AFF1: variants seen among roughly 807,000 people sequenced by gnomAD.
AFF1 encodes the protein ALF transcription elongation factor 1.
A neutral mutation model predicts 121.7 loss-of-function variants in AFF1; 48 were observed. That is an observed-to-expected ratio of 0.39 (90% CI 0.31 to 0.50). The LOEUF is 0.50. AFF1 is among the 20% of genes least tolerant of loss of function. The pLI is 0.76. For missense variants in AFF1, 1,523 were observed against 1,511.7 expected (o/e 1.01, Z -0.12); for synonymous variants, 613 against 563.0 (o/e 1.09, Z -1.26).
At chr4:87,126,635 C>T (rs1023906067) in intron 14 of AFF1, among the ~76,000 whole-genome samples, 1 of 152,038 alleles carries the variant, frequency 6.6e-6, no homozygotes, top group Non-Finnish European at 1.5e-5. Flanking sequence ...CCTGTGTAGT[C>T]CTGCTTTGAA....
At chr4:87,054,931 A>G (rs1719950140) in intron 4 of AFF1, among the ~76,000 whole-genome samples, 1 of 152,268 alleles carries the variant, frequency 6.6e-6, no homozygotes, top group South Asian at 2.1e-4. Context: ...CAGTATTTAC[A>G]AACTGGAGAA....
chr4:87,140,204 A>C lies in AFF1; in HGVS notation c.*4503A>C, dbSNP rs974541745. 1.0e-4 allele frequency: 20 copies of C among 197,622 alleles called. No individual in the cohort carries two copies. The highest frequency in any genetic ancestry group is 4.6e-4 in the African/African-American group (20 of 43,314). The allele number at this position is 197,622 out of a possible 1,614,324, so 12.2% of individuals were successfully genotyped here. A position where few individuals can be genotyped will look rare whatever the true frequency, so the allele number is the denominator to read the frequency against. ...GGCAGTGGCTGACCTAAGGAAGACA[A>C]CTTGCTTTGCTTAAAAGTAGATTTT... is the stretch of plus-strand genomic sequence containing the variant. On this transcript the variant is annotated 3_prime_UTR_variant, in exon 21 of 21. Transcript: ENST00000395146.
At chr4:86,996,886 G>T (rs1194550788) in intron 2 of AFF1, among the ~76,000 whole-genome samples, 1 of 152,188 alleles carries the variant, frequency 6.6e-6, no homozygotes, top group Non-Finnish European at 1.5e-5. Flanking sequence ...GTTACCATGG[G>T]AGGAGAACTG....
chr4:87,049,808 C>T (rs1425388002), intron 4 of AFF1: 1 of 452,888 alleles, frequency 2.2e-6, no homozygotes, highest in Non-Finnish European at 4.4e-6. Context: ...ATGGAGGGCT[C>T]TCGGTGACCC....
At chr4:87,132,167 A>C in intron 18 of AFF1, 104 bp from the exon 19 acceptor site, 1 of 1,356,126 alleles carries the variant, frequency 7.4e-7, no homozygotes, top group East Asian at 2.4e-5. Flanking sequence ...TAACTCACAC[A>C]GGTGAGGCAA....
intron 2 of AFF1, among the ~76,000 whole-genome samples, chr4:86,981,643 T>TA: frequency 6.6e-6 from 1 of 152,198 alleles, no homozygotes; most frequent in East Asian, 1.9e-4. Context: ...GTGCTGGGAT[T>TA]ACAGGTATGA....
chr4:87,024,285 G>A (rs1312624613), intron 2 of AFF1, among the ~76,000 whole-genome samples: 1 of 152,190 alleles, frequency 6.6e-6, no homozygotes. Context: ...TGGAATATGG[G>A]TGGGGTGTCT....
chr4:87,055,226 T>TTA (rs1719990869), intron 4 of AFF1, among the ~76,000 whole-genome samples: 1 of 152,192 alleles, frequency 6.6e-6, no homozygotes, highest in Non-Finnish European at 1.5e-5. Flanking sequence ...CACTTTAAAC[T>TTA]CTGAAGGAAA....
At chr4:86,949,808 G>T in intron 2 of AFF1, 2 of 1,613,950 alleles carry the variant, frequency 1.2e-6, no homozygotes, top group South Asian at 1.1e-5. Context: ...GAGACACTGC[G>T]TCATGATGGC....
chr4:87,062,599 A>G (rs1578171998), intron 4 of AFF1, among the ~76,000 whole-genome samples: 1 of 152,314 alleles, frequency 6.6e-6, no homozygotes, highest in Admixed American at 6.5e-5. Flanking sequence ...TACCAAGTCC[A>G]ATAGCATATC....
At chr4:86,965,740 C>T (rs554645314) in intron 2 of AFF1, among the ~76,000 whole-genome samples, 22 of 152,258 alleles carry the variant, frequency 1.4e-4, no homozygotes, top group Admixed American at 3.3e-4. Flanking sequence ...TATTTGCATA[C>T]GCCTTCCCTT....
intron 2 of AFF1, among the ~76,000 whole-genome samples, chr4:87,030,970 G>C (rs186770022): frequency 2.0e-5 from 3 of 152,180 alleles, no homozygotes; most frequent in East Asian, 3.9e-4. Flanking sequence ...ATCCACACTC[G>C]GTTCATTTCC....
rs1400665282 is a variant in AFF1, at chr4:87,094,895, G to C, written c.1229-20G>C. The C allele has an allele frequency of 6.2e-7, 1 of 1,611,628 alleles. No individual in the cohort carries two copies. Among genetic ancestry groups the C allele is most frequent in the Admixed American group, 1.7e-5 (1 of 59,990 alleles). ...TAAATATGTGTCATTGTGCTGCTTT[G>C]ATGTTTCTCTCCCCCACAGAACAAT... On this transcript the variant is annotated intron_variant, in intron 7 of 20. Transcript: ENST00000395146.
intron 12 of AFF1, among the ~76,000 whole-genome samples, chr4:87,121,683 A>G (rs560031865): frequency 3.9e-5 from 6 of 152,374 alleles, no homozygotes; most frequent in African/African-American, 1.2e-4. Flanking sequence ...CTTCCTTTCT[A>G]CCAGCTTATA....
At chr4:86,986,175 C>T (rs183537024) in intron 2 of AFF1, among the ~76,000 whole-genome samples, 24 of 152,120 alleles carry the variant, frequency 1.6e-4, no homozygotes, top group East Asian at 7.7e-4. Flanking sequence ...TGGGTTCAAG[C>T]GATCTTGTGC....
chr4:87,003,145 C>T (rs182903320), intron 2 of AFF1, among the ~76,000 whole-genome samples: 1 of 152,226 alleles, frequency 6.6e-6, no homozygotes, highest in African/African-American at 2.4e-5. Context: ...TCAAATTACT[C>T]CCATGAATTT....
rs371400406 is a variant in AFF1 at position 87,115,058 on chromosome 4, G to A, written c.2225G>A (p.Arg742His). 2.2e-5 allele frequency: 36 copies of A among 1,614,030 alleles called. No individual in the cohort carries two copies. The highest frequency in any genetic ancestry group is 1.6e-4 in the African/African-American group (12 of 74,918). ...RQAVVVQEDS[R>H]KDRLPLPLRD... The stretch of plus-strand genomic sequence containing the variant: ...GCCGTGGTGGTCCAGGAGGACAGCC[G>A]CAAAGACAGACTCCCATTGCCTTTG... The change falls in exon 12 of 21, where the codon CGC becomes CAC. Residue 742 changes from arginine (R) to histidine (H), a missense_variant. Around this residue, in one of 5 missense-constraint regions of AFF1, gnomAD observed 905 missense variants for 842.5 expected, o/e 1.07. Coordinates refer to ENST00000395146, the MANE Select transcript of AFF1 (RefSeq NM_001166693.3).
chr4:87,010,389 G>A (rs1726618882), intron 2 of AFF1, among the ~76,000 whole-genome samples: 1 of 152,198 alleles, frequency 6.6e-6, no homozygotes, highest in African/African-American at 2.4e-5. Flanking sequence ...ATTGTATGCT[G>A]TGTCTGGGCT....
chr4:87,006,355 G>C (rs971071881), intron 2 of AFF1, among the ~76,000 whole-genome samples: 2 of 152,184 alleles, frequency 1.3e-5, no homozygotes, highest in Admixed American at 6.5e-5. Flanking sequence ...ATGGTCCTCT[G>C]AGTAGGAAGT....
Sources: allele counts gnomAD v4.1 joint callset (sites outside exome capture counted in the v4.1 genomes callset), GRCh38; gene constraint gnomAD v4.1.1; regional missense constraint gnomAD v4.1.1; transcripts MANE v1.5; gene names NCBI Gene and HGNC (gene_info 2026-07-23, HGNC 2026-07-21).